The following NOX4 variants were observed in gnomAD, a reference collection of about 807,000 sequenced individuals.
NOX4 encodes kidney oxidase-1.
Under a neutral mutation model 87.6 loss-of-function variants are expected in NOX4, and 69 were observed. That is an observed-to-expected ratio of 0.79 (90% CI 0.65 to 0.96). The LOEUF is 0.96. Among genes scored for constraint, NOX4 ranks in the 40% least tolerant of loss-of-function variants. NOX4 has a pLI of 0.00. For synonymous variants in NOX4, 275 were observed against 238.2 expected (o/e 1.15, Z -1.42); for missense variants, 680 against 681.5 (o/e 1.00, Z 0.02).
chr11:89,461,078 T>C (rs887540937), intron 2 of NOX4, among the ~76,000 whole-genome samples: 1 of 152,052 alleles, frequency 6.6e-6, no homozygotes, highest in Non-Finnish European at 1.5e-5. Flanking sequence ...AAACACCGCA[T>C]GTTCTCACTC....
At chr11:89,471,862 C>A (rs1357756391) in intron 2 of NOX4, among the ~76,000 whole-genome samples, 5 of 152,194 alleles carry the variant, frequency 3.3e-5, no homozygotes, top group Non-Finnish European at 5.9e-5. Flanking sequence ...CTGCCTCAGC[C>A]TACTGAGTAA....
intron 8 of NOX4, among the ~76,000 whole-genome samples, chr11:89,413,669 G>T (rs1160253494): frequency 2.0e-5 from 3 of 152,066 alleles, no homozygotes; most frequent in Admixed American, 6.6e-5. Context: ...ATTACCAGAG[G>T]CTGCGAATGA....
chr11:89,419,847 T>C (rs1942994391), intron 8 of NOX4, among the ~76,000 whole-genome samples: 1 of 152,030 alleles, frequency 6.6e-6, no homozygotes, highest in South Asian at 2.1e-4. Context: ...AAATTGACAC[T>C]ATTTTGATTT....
Position 89,486,271 on chromosome 11 carries a change from TTAAA to T in NOX4, c.153+4183_153+4186del, listed in dbSNP as rs199868196. Reference sequence around the variant, plus strand: ...TTCTATACCAATTTTATTTATTTATTTAAATAAATAAATAAATAAATTTATTTAT... The same window carrying T: ...TTCTATACCAATTTTATTTATTTATTTAAATAAATAAATAAATTTATTTAT... On this transcript the variant is annotated intron_variant, in intron 2 of 17. Transcript: ENST00000263317. 1.1e-4 allele frequency among the ~76,000 whole-genome samples: 17 copies of T among 148,720 alleles called. No individual in the cohort carries two copies. The East Asian group carries it at 1.6e-3, about 14-fold the overall frequency.
the NOX4 span, among the ~76,000 whole-genome samples, chr11:89,567,395 G>T: frequency 2.0e-5 from 3 of 152,170 alleles, no homozygotes; most frequent in African/African-American, 7.2e-5. Flanking sequence ...TGTGCACTCT[G>T]TGAACCTCTC....
chr11:89,443,732 G>A (rs866014228), intron 5 of NOX4: 1 of 158,276 alleles, frequency 6.3e-6, no homozygotes, highest in African/African-American at 2.4e-5. Context: ...GATTTGTCCA[G>A]GATTCACAAA....
At chr11:89,364,738 C>A (rs1365146242) in intron 12 of NOX4, among the ~76,000 whole-genome samples, 1 of 152,090 alleles carries the variant, frequency 6.6e-6, no homozygotes, top group Non-Finnish European at 1.5e-5. Context: ...TATCTACTAT[C>A]ATTCACACAT....
chr11:89,525,123 T>C, the NOX4 span, among the ~76,000 whole-genome samples: 11 of 152,098 alleles, frequency 7.2e-5, no homozygotes, highest in Non-Finnish European at 1.2e-4. Context: ...TCATCCCACT[T>C]TCCAGTTTGG....
intron 16 of NOX4, among the ~76,000 whole-genome samples, 188 bp downstream of exon 16, chr11:89,337,259 A>G (rs1945756911): frequency 1.3e-5 from 2 of 152,022 alleles, no homozygotes; most frequent in African/African-American, 4.8e-5. Context: ...TGTGAGAAGG[A>G]CAAATGGAAG....
At position 89,381,683 on chromosome 11, in the gene NOX4, T is replaced by C. The variant is rs568543181; in HGVS notation, c.1075-8191A>G. Among the ~76,000 whole-genome samples the C allele has an allele frequency of 3.1e-3, 404 of 129,772 alleles. 1 individual carries two copies. Among genetic ancestry groups the C allele is most frequent in the African/African-American group, 0.011 (384 of 35,472 alleles). 85.1% of individuals were successfully genotyped at this position (129,772 alleles called of 152,430 possible). ...CTGACATGAGTGAAATTTGGTGCTG[T>C]GATTTGGATCGGGGGGACCTCCCTT... On this transcript the variant is annotated intron_variant, in intron 11 of 17. Coordinates refer to ENST00000263317, the MANE Select transcript of NOX4 (RefSeq NM_016931.5).
intron 2 of NOX4, among the ~76,000 whole-genome samples, chr11:89,466,885 G>T (rs543722278): frequency 6.6e-6 from 1 of 152,252 alleles, no homozygotes; most frequent in Non-Finnish European, 1.5e-5. Flanking sequence ...GGACATCCAT[G>T]CAGGGAAAAA....
chr11:89,373,486 T>A lies in NOX4; in HGVS notation c.1081A>T (p.Thr361Ser). The A allele has an allele frequency of 1.3e-6, 2 of 1,584,200 alleles. No individual in the cohort carries two copies. Among genetic ancestry groups the A allele is most frequent in the Non-Finnish European group, 1.7e-6 (2 of 1,154,126 alleles). Reference protein sequence around the residue: ...NHPFTLTMCPTETKATFGVHL... With the variant: ...NHPFTLTMCPSETKATFGVHL... ...ACCCCAAATGTTGCTTTGGTTTCAG[T>A]TGGACACTAAAAAAAAATACTAGAA... is the stretch of plus-strand genomic sequence containing the variant. Residue 361 changes from threonine to serine, a missense_variant, in exon 12 of 18, where the codon ACT (threonine) becomes TCT (serine). Transcript: ENST00000263317.
chr11:89,492,572 T>C (rs1432066736), upstream of NOX4, among the ~76,000 whole-genome samples: 1 of 152,266 alleles, frequency 6.6e-6, no homozygotes, highest in Non-Finnish European at 1.5e-5. Flanking sequence ...CAAGTCCCTG[T>C]TAGACTTCAC....
chr11:89,526,733 G>A, the NOX4 span, among the ~76,000 whole-genome samples: 3 of 152,112 alleles, frequency 2.0e-5, no homozygotes, highest in Non-Finnish European at 2.9e-5. Flanking sequence ...CACCATGATT[G>A]TAAGTTTCCT....
chr11:89,553,234 G>T, the NOX4 span, among the ~76,000 whole-genome samples: 1 of 152,126 alleles, frequency 6.6e-6, no homozygotes, highest in Non-Finnish European at 1.5e-5. Context: ...TCAAGGGCAG[G>T]GTAGGGGTTG....
At chr11:89,346,186 T>C (rs1348956314) in intron 13 of NOX4, among the ~76,000 whole-genome samples, 2 of 152,120 alleles carry the variant, frequency 1.3e-5, no homozygotes, top group East Asian at 1.9e-4. Context: ...TACAATAATT[T>C]GTAATTATTA....
In NOX4 at chr11:89,457,028, TC is replaced by T. The variant is rs1466267013; in HGVS notation, c.154-5134del. ...GCCTCTGATGGCCAACCAAGTTGCT[TC>T]CCAGGGGTTATCATCATAGCTCCTT... On this transcript the variant is annotated intron_variant, in intron 2 of 17. Coordinates refer to ENST00000263317, the MANE Select transcript of NOX4 (RefSeq NM_016931.5). Among the ~76,000 whole-genome samples the T allele has an allele frequency of 8.4e-4, 128 of 152,122 alleles. 1 individual carries two copies. The highest frequency in any genetic ancestry group is 1.8e-4 in the Non-Finnish European group (12 of 68,028).
chr11:89,353,422 TTA>T (rs1937720279), intron 13 of NOX4, among the ~76,000 whole-genome samples: 1 of 152,150 alleles, frequency 6.6e-6, no homozygotes, highest in Non-Finnish European at 1.5e-5. Context: ...AGCAAAAAGT[TTA>T]TGACTTGCTG....
chr11:89,495,269 A>C (rs544382658), upstream of NOX4, among the ~76,000 whole-genome samples: 9 of 152,180 alleles, frequency 5.9e-5, no homozygotes, highest in South Asian at 1.0e-3. Flanking sequence ...GAGCCACTGC[A>C]ACTAATGCAC....
Sources: gnomAD v4.1 joint callset for allele counts (sites outside exome capture counted in the v4.1 genomes callset) on GRCh38, gnomAD v4.1.1 for gene constraint, MANE v1.5 for transcripts, NCBI Gene and HGNC (gene_info 2026-07-23, HGNC 2026-07-21) for gene names.